RAI14: variants seen among roughly 807,000 people sequenced by gnomAD.
The protein encoded by RAI14 is retinoic acid induced 14.
In RAI14, 45 loss-of-function variants were observed where a neutral mutation model predicts 115.4. The observed-to-expected ratio is 0.39, with a 90% confidence interval of 0.31 to 0.50. The LOEUF is 0.50. Among genes scored for constraint, RAI14 ranks in the 20% least tolerant of loss-of-function variants. The pLI is 0.85. For missense variants in RAI14, 939 were observed against 1,131.2 expected (o/e 0.83, Z 2.44); for synonymous variants, 371 against 415.4 (o/e 0.89, Z 1.30).
intron 2 of RAI14, among the ~76,000 whole-genome samples, chr5:34,724,075 G>A (rs760056613): frequency 6.6e-6 from 1 of 152,148 alleles, no homozygotes; most frequent in African/African-American, 2.4e-5. Flanking sequence ...GGAGTGCGGT[G>A]GCGCAATCTC....
At chr5:34,695,652 G>A (rs981062385) in intron 2 of RAI14, among the ~76,000 whole-genome samples, 1 of 152,036 alleles carries the variant, frequency 6.6e-6, no homozygotes, top group Non-Finnish European at 1.5e-5. Context: ...GGACATAATT[G>A]GATTAAATGA....
intron 15 of RAI14, 185 bp from the exon 16 acceptor site, chr5:34,826,145 T>G: frequency 2.2e-6 from 1 of 453,700 alleles, no homozygotes; most frequent in Admixed American, 4.1e-5. Flanking sequence ...TTTGTTAGTT[T>G]GCCTGATTTT....
chr5:34,724,206 G>A (rs1387111225), intron 2 of RAI14, among the ~76,000 whole-genome samples: 1 of 151,868 alleles, frequency 6.6e-6, no homozygotes, highest in Admixed American at 6.6e-5. Context: ...AGTAGAGTCG[G>A]GCTTTCACCA....
At chr5:34,752,326 A>G (rs1747138511) in intron 2 of RAI14, among the ~76,000 whole-genome samples, 1 of 152,140 alleles carries the variant, frequency 6.6e-6, no homozygotes, top group African/African-American at 2.4e-5. Context: ...AGGCCAATCA[A>G]CCTCCTGCTA....
At chr5:34,707,651 GA>G (rs897058705) in intron 2 of RAI14, among the ~76,000 whole-genome samples, 21 of 152,126 alleles carry the variant, frequency 1.4e-4, no homozygotes, top group African/African-American at 3.6e-4. Flanking sequence ...GCATCTGGGG[GA>G]AAAAAACCAC....
At chr5:34,726,155 T>G (rs1307539839) in intron 2 of RAI14, among the ~76,000 whole-genome samples, 1 of 151,988 alleles carries the variant, frequency 6.6e-6, no homozygotes, top group Non-Finnish European at 1.5e-5. Flanking sequence ...GTGGGAGGAT[T>G]GCTTGAGGCC....
In RAI14 at chr5:34,775,525, G is replaced by A. The variant is rs142001709; in HGVS notation, c.167+17927G>A. On this transcript the variant is annotated intron_variant, in intron 3 of 17. Coordinates refer to ENST00000265109, the MANE Select transcript of RAI14 (RefSeq NM_015577.3). Reference sequence around the variant, plus strand: ...AGGTGAGAGGATTGCTTTAGCCTACGAGTTCAAGACCAGCCTGGGCAACAT... The same window carrying A: ...AGGTGAGAGGATTGCTTTAGCCTACAAGTTCAAGACCAGCCTGGGCAACAT... Among the ~76,000 whole-genome samples, 211 of 152,272 alleles carry A rather than the reference G, an allele frequency of 1.4e-3. 1 individual carries two copies. The highest frequency in any genetic ancestry group is 2.2e-3 in the Non-Finnish European group (149 of 68,012).
At chr5:34,676,666 A>G (rs888726673) in intron 1 of RAI14, among the ~76,000 whole-genome samples, 7 of 152,302 alleles carry the variant, frequency 4.6e-5, no homozygotes, top group African/African-American at 7.2e-5. Flanking sequence ...ACTAAGATCA[A>G]TCCTGGTTGA....
At chr5:34,826,611 T>C (rs1757479924) in intron 16 of RAI14, 132 bp downstream of exon 16, 1 of 1,228,996 alleles carries the variant, frequency 8.1e-7, no homozygotes. Flanking sequence ...CAATGAGCAG[T>C]TGACTGATTT....
At chr5:34,798,860 T>G (rs918784178) in intron 4 of RAI14, among the ~76,000 whole-genome samples, 1 of 152,208 alleles carries the variant, frequency 6.6e-6, no homozygotes, top group Admixed American at 6.5e-5. Context: ...CCACAGCACT[T>G]TGGGGCCACA....
intron 16 of RAI14, 40 bp downstream of exon 16, chr5:34,826,519 G>T: frequency 6.3e-7 from 1 of 1,592,386 alleles, no homozygotes. Context: ...TGGGGTGGAG[G>T]GCCTGGCAGA....
intron 3 of RAI14, among the ~76,000 whole-genome samples, chr5:34,767,925 G>GAAAT (rs1161500383): frequency 1.3e-5 from 2 of 151,448 alleles, no homozygotes; most frequent in East Asian, 4.1e-4. Context: ...GTGCAGAAGG[G>GAAAT]AAATGTAGGG....
At position 34,710,192 on chromosome 5, in the gene RAI14, C is replaced by G. The variant is rs191840041; in HGVS notation, c.36+23237C>G. 5.3e-4 allele frequency among the ~76,000 whole-genome samples: 81 copies of G among 152,282 alleles called. No homozygotes were observed. The East Asian group carries it at 7.2e-3, about 13-fold the overall frequency. ...CTTCTTGGGTCTGGAGGCGAGAAGT[C>G]TGTGTAGCAGGGCCATCCTGCCTCT... On this transcript the variant is annotated intron_variant, in intron 2 of 17. Coordinates refer to ENST00000265109, the MANE Select transcript of RAI14 (RefSeq NM_015577.3).
At chr5:34,807,331 G>T (rs536710965) in intron 5 of RAI14, among the ~76,000 whole-genome samples, 1 of 152,272 alleles carries the variant, frequency 6.6e-6, no homozygotes, top group East Asian at 1.9e-4. Context: ...GAAACATGAA[G>T]GTTTTTGGTG....
intron 3 of RAI14, among the ~76,000 whole-genome samples, chr5:34,787,892 GATTTTTTTTTTTTTTTTTTTTT>G (rs1322774641): frequency 3.4e-5 from 1 of 29,348 alleles, no homozygotes; most frequent in African/African-American, 9.1e-5. Context: ...GGATACTACT[GATTTTTTTTTTTTTTTTTTTTT>G]TTTTTTTTTT....
intron 2 of RAI14, among the ~76,000 whole-genome samples, chr5:34,748,355 T>C (rs908590391): frequency 6.6e-6 from 1 of 152,256 alleles, no homozygotes; most frequent in Non-Finnish European, 1.5e-5. Flanking sequence ...TTTATGAAAC[T>C]GCTGGTTAGG....
rs748365697 is a variant in RAI14, at chr5:34,824,178, T to G, written c.2336T>G (p.Met779Arg). 6.2e-7 allele frequency: 1 copy of G among 1,614,176 alleles called. No homozygotes were observed. Among genetic ancestry groups the G allele is most frequent in the Non-Finnish European group, 8.5e-7 (1 of 1,180,026 alleles). The stretch of plus-strand genomic sequence containing the variant: ...CAACTCTTAGAAGAGAAAGCTGCTA[T>G]GACTGATGCAATGGTACCTCGGTCT... ...EKQLLEEKAAMTDAMVPRSSY... is the reference protein window; with the variant it reads ...EKQLLEEKAARTDAMVPRSSY... Residue 779 changes from methionine to arginine, a missense_variant, in exon 15 of 18, where the codon ATG becomes AGG. By Grantham distance (91) the Met-to-Arg change is moderately conservative. Transcript: ENST00000265109.
At chr5:34,773,958 A>G (rs1007368766) in intron 3 of RAI14, among the ~76,000 whole-genome samples, 1 of 152,240 alleles carries the variant, frequency 6.6e-6, no homozygotes, top group African/African-American at 2.4e-5. Flanking sequence ...AGAAAGAAAC[A>G]GCATCCAAAT....
intron 1 of RAI14, among the ~76,000 whole-genome samples, chr5:34,681,415 C>T (rs901395797): frequency 4.6e-5 from 7 of 152,200 alleles, no homozygotes; most frequent in South Asian, 2.1e-4. Flanking sequence ...GTCCTGAAGT[C>T]TATTTAGGGG....
Sources: allele counts gnomAD v4.1 joint callset (sites outside exome capture counted in the v4.1 genomes callset), GRCh38; gene constraint gnomAD v4.1.1; transcripts MANE v1.5; gene names NCBI Gene and HGNC (gene_info 2026-07-23, HGNC 2026-07-21).